PRH1: variants seen among roughly 807,000 people sequenced by gnomAD.
PRH1 encodes the protein proline rich protein HaeIII subfamily 1, also known as salivary acidic proline-rich phosphoprotein 1/2.
Under a neutral mutation model 7.9 loss-of-function variants are expected in PRH1, and 7 were observed. The observed-to-expected ratio is 0.89, with a 90% CI of 0.50 to 1.67. The LOEUF is 1.67. Ranked by LOEUF, PRH1 falls within the 40% of genes most tolerant of loss-of-function variation. The pLI is 0.00. For missense variants in PRH1, 109 were observed against 223.6 expected (o/e 0.49, Z 3.27); for synonymous variants, 45 against 80.8 (o/e 0.56, Z 2.38).
intron 1 of PRH1, among the ~76,000 whole-genome samples, chr12:11,014,799 C>T (rs1354191278): frequency 6.6e-6 from 1 of 152,154 alleles, no homozygotes; most frequent in Non-Finnish European, 1.5e-5. Context: ...AAAGGACACA[C>T]ATCCACACCA....
At chr12:10,933,877 T>C (rs1038384349) in intron 2 of PRH1, among the ~76,000 whole-genome samples, 2 of 152,060 alleles carry the variant, frequency 1.3e-5, no homozygotes, top group African/African-American at 4.8e-5. Context: ...ATAACAGAGA[T>C]ACATATATTC....
rs758383968 is a variant in PRH1 at position 11,034,533 on chromosome 12, T to TTG, written c.-126+12486_-126+12487insCA. On this transcript the variant is annotated intron_variant, in intron 1 of 3. Transcript: ENST00000539853. ...TTACCCCAACAAGACATTATTATTTTCTAAACATTCATTTAGAATTATGCA... is the reference window on the plus strand; with the variant it reads ...TTACCCCAACAAGACATTATTATTTTTGCTAAACATTCATTTAGAATTATGCA... 1.2e-3 allele frequency among the ~76,000 whole-genome samples: 125 copies of TTG among 107,976 alleles called. 2 individuals are homozygous for TTG. Among genetic ancestry groups the TTG allele is most frequent in the Non-Finnish European group, 2.1e-3 (111 of 53,328 alleles). The allele number at this position is 107,976 out of a possible 152,430, so 70.8% of individuals were successfully genotyped here.
chr12:10,954,134 A>T (rs1937832201), intron 2 of PRH1, among the ~76,000 whole-genome samples: 1 of 152,166 alleles, frequency 6.6e-6, no homozygotes, highest in Non-Finnish European at 1.5e-5. Flanking sequence ...GAAAAGAAAG[A>T]TCATTATCAG....
At chr12:11,004,835 T>C (rs1940754279) in intron 1 of PRH1, among the ~76,000 whole-genome samples, 1 of 152,114 alleles carries the variant, frequency 6.6e-6, no homozygotes, top group African/African-American at 2.4e-5. Flanking sequence ...TTCAGGATTG[T>C]TTAACAACTC....
chr12:11,081,768 T>C lies in PRH1; in HGVS notation n.124-34580A>G, dbSNP rs1944507995. 1.7e-5 allele frequency among the ~76,000 whole-genome samples: 2 copies of C among 116,456 alleles called. 1 individual carries two copies. Among genetic ancestry groups the C allele is most frequent in the Non-Finnish European group, 4.1e-5 (2 of 49,124 alleles). 76.4% of individuals were successfully genotyped at this position (116,456 alleles called of 152,430 possible). On this transcript the variant is annotated intron_variant and non_coding_transcript_variant, in intron 1 of 4. Transcript: ENST00000541977. ...CTTATGTTGTAGAAATGGGGCTCTG[T>C]GCCTTTAAATTTCATCATTACCTAA... is the stretch of plus-strand genomic sequence containing the variant.
Position 10,997,584 on chromosome 12 carries a change from G to A in PRH1, c.-125-23863C>T, listed in dbSNP as rs748112037. ...TAAAATATGCTGAGGCTAGTAGCAA[G>A]CCAGATGCTGAAATGATTGGTTACT... On this transcript the variant is annotated intron_variant, in intron 1 of 3. Coordinates refer to the PRH1 transcript ENST00000539853. 3.7e-6 allele frequency: 6 copies of A among 1,613,950 alleles called. No homozygotes were observed. In the Admixed American group the frequency reaches 8.3e-5, roughly 22 times the overall value.
intron 1 of PRH1, among the ~76,000 whole-genome samples, chr12:11,001,666 T>C (rs1048924391): frequency 6.6e-6 from 1 of 152,146 alleles, no homozygotes; most frequent in Admixed American, 6.6e-5. Context: ...AAGCTGAGTT[T>C]TAAAAATATC....
chr12:11,049,806 G>A (rs1943067639), upstream of PRH1, among the ~76,000 whole-genome samples: 1 of 152,094 alleles, frequency 6.6e-6, no homozygotes, highest in African/African-American at 2.4e-5. Context: ...TATCATCCAA[G>A]ATTATTTTGG....
chr12:10,969,895 G>A (rs1938715552), intron 2 of PRH1, among the ~76,000 whole-genome samples: 2 of 152,122 alleles, frequency 1.3e-5, no homozygotes, highest in African/African-American at 4.8e-5. Context: ...TGACTCCCAG[G>A]TTCAAGCAAT....
intron 2 of PRH1, among the ~76,000 whole-genome samples, chr12:10,971,925 G>A (rs181912624): frequency 5.3e-4 from 81 of 151,854 alleles, no homozygotes; most frequent in Admixed American, 2.2e-3. Context: ...GCACTTATTC[G>A]TATTCTATTA....
chr12:11,065,632 A>G (rs1275985120), intron 1 of PRH1, among the ~76,000 whole-genome samples: 2 of 150,600 alleles, frequency 1.3e-5, no homozygotes, highest in Non-Finnish European at 3.0e-5. Context: ...TAGGGGTAGA[A>G]ATGAACTTTT....
At chr12:11,157,340 T>C (rs1947283207) in intron 1 of PRH1, among the ~76,000 whole-genome samples, 1 of 152,180 alleles carries the variant, frequency 6.6e-6, no homozygotes, top group African/African-American at 2.4e-5. Flanking sequence ...CACCATCTTA[T>C]AACATGGCTT....
intron 1 of PRH1, among the ~76,000 whole-genome samples, chr12:11,129,506 G>T (rs1946260197): frequency 6.6e-6 from 1 of 152,296 alleles, no homozygotes; most frequent in South Asian, 2.1e-4. Context: ...ACACCTGAAA[G>T]TTACAGGGGA....
chr12:11,022,404 A>G, intron 1 of PRH1: 2 of 1,614,128 alleles, frequency 1.2e-6, no homozygotes, highest in Non-Finnish European at 1.7e-6. Flanking sequence ...AGAGTAAACC[A>G]ATTCTGGAGA....
At position 11,127,056 on chromosome 12, in the gene PRH1, C is replaced by G. The variant is rs374535068; in HGVS notation, n.40-5876G>C. ...CTCCTGATTTCTGACTGTGCAATAACGTTCTTGTTCCTTTTAAATTCTCTG... is the reference window on the plus strand; with the variant it reads ...CTCCTGATTTCTGACTGTGCAATAAGGTTCTTGTTCCTTTTAAATTCTCTG... On this transcript the variant is annotated intron_variant and non_coding_transcript_variant, in intron 1 of 1. Coordinates refer to the PRH1 transcript ENST00000541175. Among the ~76,000 whole-genome samples the G allele has an allele frequency of 2.3e-5, 3 of 128,784 alleles. No homozygotes were observed. The South Asian group carries it at 7.7e-4, about 33-fold the overall frequency. The allele number at this position is 128,784 out of a possible 152,430, so 84.5% of individuals were successfully genotyped here.
At chr12:10,911,260 G>A (rs960114524) in intron 2 of PRH1, among the ~76,000 whole-genome samples, 1 of 152,050 alleles carries the variant, frequency 6.6e-6, no homozygotes, top group African/African-American at 2.4e-5. Flanking sequence ...TGTACTTGCT[G>A]GTATATGAAA....
chr12:10,885,752 A>G (rs1949482441), upstream of PRH1, among the ~76,000 whole-genome samples: 4 of 152,244 alleles, frequency 2.6e-5, no homozygotes, highest in South Asian at 8.3e-4. Flanking sequence ...GTAATTTTTC[A>G]CTTTTTGTGC....
chr12:10,886,695 A>G (rs1949496998), upstream of PRH1, among the ~76,000 whole-genome samples: 1 of 152,220 alleles, frequency 6.6e-6, no homozygotes, highest in South Asian at 2.1e-4. Context: ...CCAGTCTTCA[A>G]CATATGAAAT....
rs578228536 is a variant in PRH1, at chr12:11,081,830, C to T, written n.124-34642G>A. Among the ~76,000 whole-genome samples, 5 of 117,638 alleles carry T rather than the reference C, an allele frequency of 4.3e-5. 2 individuals carry two copies. Among genetic ancestry groups the T allele is most frequent in the Non-Finnish European group, 1.0e-4 (5 of 49,548 alleles). 77.2% of individuals were successfully genotyped at this position (117,638 alleles called of 152,430 possible). ...AAGATATGGGGGAGGGGTTACTTCT[C>T]TTTGATTTATTTAGCCCTAACATCC... is the stretch of plus-strand genomic sequence containing the variant. On this transcript the variant is annotated intron_variant and non_coding_transcript_variant, in intron 1 of 4. Coordinates refer to the PRH1 transcript ENST00000541977.
Sources: allele counts gnomAD v4.1 joint callset (sites outside exome capture counted in the v4.1 genomes callset), GRCh38; gene constraint gnomAD v4.1.1; transcripts MANE v1.5; gene names NCBI Gene and HGNC (gene_info 2026-07-23, HGNC 2026-07-21).